The following TMEM178A variants were observed in gnomAD, a reference collection of about 807,000 sequenced individuals.
TMEM178A encodes the protein transmembrane protein 178.
A neutral mutation model predicts 29.1 loss-of-function variants in TMEM178A; 12 were observed. That is an observed-to-expected ratio of 0.41 (90% CI 0.26 to 0.67). TMEM178A has a LOEUF of 0.67. Ranked by LOEUF, TMEM178A falls within the 30% of genes least tolerant of loss-of-function variation. TMEM178A has a pLI of 0.29. For synonymous variants in TMEM178A, 210 were observed against 187.2 expected (o/e 1.12, Z -0.99); for missense variants, 366 against 419.1 (o/e 0.87, Z 1.11).
the TMEM178A span, among the ~76,000 whole-genome samples, chr2:39,729,443 G>C: frequency 6.6e-6 from 1 of 152,162 alleles, no homozygotes; most frequent in African/African-American, 2.4e-5. Context: ...TTTCTGCCTT[G>C]GAGAGGTGGG....
chr2:39,706,429 C>T (rs1457665371), intron 2 of TMEM178A, among the ~76,000 whole-genome samples: 3 of 152,150 alleles, frequency 2.0e-5, no homozygotes, highest in African/African-American at 7.2e-5. Context: ...CACTTTACAC[C>T]ACTGTTCCAC....
At chr2:39,721,266 T>C (rs1250489609), downstream of TMEM178A, among the ~76,000 whole-genome samples, 2 of 152,222 alleles carry the variant, frequency 1.3e-5, no homozygotes, top group African/African-American at 4.8e-5. Flanking sequence ...GCAATACATA[T>C]TCCTCTTAAT....
At chr2:39,719,461 T>A (rs560199871), downstream of TMEM178A, among the ~76,000 whole-genome samples, 7 of 152,340 alleles carry the variant, frequency 4.6e-5, no homozygotes, top group African/African-American at 1.7e-4. Context: ...TGGCAAGGAC[T>A]GAGGCTCCCT....
chr2:39,704,230 G>A (rs368507516), intron 2 of TMEM178A, 36 bp downstream of exon 2: 173 of 1,575,432 alleles, frequency 1.1e-4, no homozygotes, highest in Non-Finnish European at 1.4e-4. Flanking sequence ...AGAGGAAATG[G>A]TGTCATTCTG....
chr2:39,695,862 A>C (rs1671518015), intron 1 of TMEM178A, among the ~76,000 whole-genome samples: 1 of 152,192 alleles, frequency 6.6e-6, no homozygotes, highest in South Asian at 2.1e-4. Context: ...GCAAAGCATT[A>C]AAACATTTAA....
chr2:39,697,354 C>G (rs1028613979), intron 1 of TMEM178A, among the ~76,000 whole-genome samples: 5 of 152,180 alleles, frequency 3.3e-5, no homozygotes, highest in African/African-American at 1.2e-4. Flanking sequence ...TCTGCTATGA[C>G]AGTGGAACAA....
chr2:39,733,266 C>T, the TMEM178A span, among the ~76,000 whole-genome samples: 2 of 152,152 alleles, frequency 1.3e-5, no homozygotes, highest in Non-Finnish European at 2.9e-5. Flanking sequence ...GGCATTAAAT[C>T]GAATATTGCT....
rs1479668711 is a variant in TMEM178A at position 39,674,561 on chromosome 2, A to G, written c.400+8187A>G. On this transcript the variant is annotated intron_variant, in intron 1 of 3. Coordinates refer to ENST00000281961, the MANE Select transcript of TMEM178A (RefSeq NM_152390.3). ...GGATAAAAGACTACAAATATGGTGC[A>G]GTGTTTACTGCTCCAGTGCTGGGTG... Among the ~76,000 whole-genome samples, 4 of 152,184 alleles carry G rather than the reference A, an allele frequency of 2.6e-5. No homozygotes were observed. The East Asian group carries it at 7.7e-4, about 29-fold the overall frequency.
the TMEM178A span, among the ~76,000 whole-genome samples, chr2:39,732,368 G>A: frequency 6.6e-6 from 1 of 152,180 alleles, no homozygotes; most frequent in Admixed American, 6.5e-5. Flanking sequence ...CACACTGAGA[G>A]GAAAAAGCAC....
chr2:39,704,927 TAATC>T (rs1377345688), intron 2 of TMEM178A, among the ~76,000 whole-genome samples: 2 of 152,224 alleles, frequency 1.3e-5, no homozygotes, highest in Admixed American at 6.5e-5. Context: ...TGTAGAAAAC[TAATC>T]AGAGTCTCTC....
the TMEM178A span, among the ~76,000 whole-genome samples, chr2:39,730,870 T>G: frequency 2.0e-5 from 3 of 152,224 alleles, no homozygotes; most frequent in Non-Finnish European, 4.4e-5. Flanking sequence ...GGCTCTTTAT[T>G]CTGACTATGG....
At position 39,703,192 on chromosome 2, in the gene TMEM178A, AATC is replaced by A. The variant is rs568674975; in HGVS notation, c.401-887_401-885del. ...CTCATGCCTTTAAAAAAATTAGTTT[AATC>A]AGATTGCATTTATCCAAACAACTGG... is the stretch of plus-strand genomic sequence containing the variant. On this transcript the variant is annotated intron_variant, in intron 1 of 3. Coordinates refer to ENST00000281961, the MANE Select transcript of TMEM178A (RefSeq NM_152390.3). 3.4e-3 allele frequency among the ~76,000 whole-genome samples: 513 copies of A among 152,342 alleles called. 4 individuals are homozygous for A. Among genetic ancestry groups the A allele is most frequent in the African/African-American group, 0.012 (486 of 41,572 alleles).
intron 1 of TMEM178A, among the ~76,000 whole-genome samples, chr2:39,689,928 C>T (rs1257831729): frequency 6.6e-6 from 1 of 152,224 alleles, no homozygotes; most frequent in East Asian, 1.9e-4. Flanking sequence ...TGTCACATCT[C>T]TGTCGAGGTG....
At chr2:39,706,635 C>T (rs899113034) in intron 2 of TMEM178A, among the ~76,000 whole-genome samples, 1 of 151,862 alleles carries the variant, frequency 6.6e-6, no homozygotes, top group Non-Finnish European at 1.5e-5. Context: ...TTTTTTTTCC[C>T]CTTTTAAAAT....
At chr2:39,732,598 C>A in the TMEM178A span, among the ~76,000 whole-genome samples, 1 of 152,128 alleles carries the variant, frequency 6.6e-6, no homozygotes, top group Non-Finnish European at 1.5e-5. Context: ...AGAGTTATTT[C>A]CAAAAGGAGA....
rs373389562 is a variant in TMEM178A, at chr2:39,665,992, C to A, written c.18C>A (p.Leu6=). The A allele has an allele frequency of 2.6e-4, 375 of 1,421,666 alleles. No individual in the cohort carries two copies. Among genetic ancestry groups the A allele is most frequent in the Non-Finnish European group, 3.3e-4 (364 of 1,089,724 alleles). The allele number at this position is 1,421,666 out of a possible 1,614,324, so 88.1% of individuals were successfully genotyped here. MEPRA[L]VTALSLGLSL... ...GGGAAGCCATGGAGCCGCGGGCGCTCGTCACGGCGCTCAGCCTCGGCCTCA... is the reference window on the plus strand; with the variant it reads ...GGGAAGCCATGGAGCCGCGGGCGCTAGTCACGGCGCTCAGCCTCGGCCTCA... The change falls in exon 1 of 4, where the codon CTC becomes CTA. Residue 6 remains leucine, a synonymous_variant. Transcript: ENST00000281961.
chr2:39,676,323 T>C (rs2716687), intron 1 of TMEM178A, among the ~76,000 whole-genome samples: 77,056 of 152,004 alleles, frequency 0.51, 20,579 homozygotes, highest in East Asian at 0.87. Context: ...AGAGATTCAA[T>C]GGTTTTGGGC....
chr2:39,696,024 T>A (rs1671527052), intron 1 of TMEM178A, among the ~76,000 whole-genome samples: 1 of 152,240 alleles, frequency 6.6e-6, no homozygotes, highest in Non-Finnish European at 1.5e-5. Context: ...TTAATGATAC[T>A]GTAAAAGGCA....
intron 1 of TMEM178A, among the ~76,000 whole-genome samples, chr2:39,689,935 G>T (rs1006085108): frequency 6.6e-6 from 1 of 152,218 alleles, no homozygotes; most frequent in Non-Finnish European, 1.5e-5. Context: ...TCTCTGTCGA[G>T]GTGGCACAGC....
Sources: allele counts gnomAD v4.1 joint callset (sites outside exome capture counted in the v4.1 genomes callset), GRCh38; gene constraint gnomAD v4.1.1; transcripts MANE v1.5; gene names NCBI Gene and HGNC (gene_info 2026-07-23, HGNC 2026-07-21).